The following FHIP2A variants were observed in gnomAD, a reference collection of about 807,000 sequenced individuals.
FHIP2A encodes FHF complex subunit HOOK interacting protein 2A, also known as family with sequence similarity 160 member B1.
FHIP2A carries 46 observed loss-of-function variants against 93.5 expected under a neutral mutation model. That is an observed-to-expected ratio of 0.49 (90% CI 0.39 to 0.63). The LOEUF (loss-of-function observed/expected upper bound fraction) is 0.63, where lower values mean the gene tolerates loss of function less well. Ranked by LOEUF, FHIP2A falls within the 20% of genes least tolerant of loss-of-function variation. The pLI, the probability that FHIP2A is intolerant of heterozygous loss-of-function variation, is 0.00. For synonymous variants in FHIP2A, 332 were observed against 326.5 expected, an observed-to-expected ratio of 1.02 and a Z score of -0.18; for missense variants, 769 against 909.7, an observed-to-expected ratio of 0.85 and a Z score of 1.99.
chr10:114,862,374 C>T lies in FHIP2A; in HGVS notation c.*834C>T. The T allele has an allele frequency of 1.0e-6, 1 of 987,496 alleles. No homozygotes were observed. Among genetic ancestry groups the T allele is most frequent in the Non-Finnish European group, 1.2e-6 (1 of 830,074 alleles). 61.2% of individuals were successfully genotyped at this position (987,496 alleles called of 1,614,324 possible). On this transcript the variant is annotated 3_prime_UTR_variant, in exon 17 of 17. Transcript: ENST00000369248. Reference sequence around the variant, plus strand: ...GAACCTTTTTCCCCCCTCTCCCTCTCAGAAAATTGCTTTATAAAATTGCTT... The same window carrying T: ...GAACCTTTTTCCCCCCTCTCCCTCTTAGAAAATTGCTTTATAAAATTGCTT...
chr10:114,826,564 A>T (rs2083577877), intron 1 of FHIP2A, among the ~76,000 whole-genome samples: 1 of 152,206 alleles, frequency 6.6e-6, no homozygotes, highest in Admixed American at 6.5e-5. Context: ...TGAACTCTAT[A>T]GGAGAAGGGA....
intron 1 of FHIP2A, among the ~76,000 whole-genome samples, chr10:114,827,835 G>A (rs2083586330): frequency 1.3e-5 from 2 of 151,008 alleles, no homozygotes; most frequent in East Asian, 1.9e-4. Context: ...GGCATATATA[G>A]GGACTCCATC....
chr10:114,889,921 T>C (rs888682014), intron 16 of FHIP2A, among the ~76,000 whole-genome samples: 1 of 152,260 alleles, frequency 6.6e-6, no homozygotes, highest in African/African-American at 2.4e-5. Context: ...TTTGCCTCAG[T>C]GTTGGCCATT....
rs752361511 is a variant in FHIP2A, at chr10:114,843,805, C to T, written c.881C>T (p.Ala294Val). 8.8e-6 allele frequency: 14 copies of T among 1,598,464 alleles called. No homozygotes were observed. Among genetic ancestry groups the T allele is most frequent in the African/African-American group, 4.0e-5 (3 of 74,104 alleles). The change falls in exon 7 of 17, where the codon GCG becomes GTG. Residue 294 changes from alanine (A) to valine (V), a missense_variant. Coordinates refer to ENST00000369248, the MANE Select transcript of FHIP2A (RefSeq NM_020940.4). Reference sequence around the variant, plus strand: ...CTGTTAGTAAGTTTGCCAGAGCCTGCGGCTGCAAAGTGCCTTACACAGAGC... The same window carrying T: ...CTGTTAGTAAGTTTGCCAGAGCCTGTGGCTGCAAAGTGCCTTACACAGAGC... ...LMLLVSLPEP[A>V]AAKCLTQSTC...
chr10:114,823,628 G>C (rs1019051213), intron 1 of FHIP2A, among the ~76,000 whole-genome samples: 1 of 151,238 alleles, frequency 6.6e-6, no homozygotes, highest in East Asian at 1.9e-4. Flanking sequence ...CCTAGTAGCT[G>C]GGATTACAGG....
chr10:114,899,344 G>A (rs2084015696), intron 16 of FHIP2A: 1 of 554,390 alleles, frequency 1.8e-6, no homozygotes, highest in Non-Finnish European at 3.3e-6. Context: ...TTAAGCTAGT[G>A]TAAGCACAAA....
At chr10:114,824,744 A>G (rs1013763854) in intron 1 of FHIP2A, among the ~76,000 whole-genome samples, 3 of 152,184 alleles carry the variant, frequency 2.0e-5, no homozygotes, top group Admixed American at 1.3e-4. Context: ...TTCCTCTATG[A>G]ACCAATCTTA....
intron 16 of FHIP2A, among the ~76,000 whole-genome samples, chr10:114,869,832 T>C (rs933276453): frequency 6.6e-5 from 10 of 152,204 alleles, no homozygotes; most frequent in African/African-American, 2.4e-4. Context: ...ATAAAAATAA[T>C]TTTGCACAGT....
intron 16 of FHIP2A, among the ~76,000 whole-genome samples, chr10:114,889,433 T>C (rs2083959658): frequency 6.6e-6 from 1 of 152,250 alleles, no homozygotes; most frequent in Non-Finnish European, 1.5e-5. Flanking sequence ...TTGCCTTTTT[T>C]TGTGGTTCTA....
chr10:114,885,706 G>A (rs1195171263), intron 16 of FHIP2A, among the ~76,000 whole-genome samples: 8 of 152,120 alleles, frequency 5.3e-5, no homozygotes, highest in South Asian at 2.1e-4. Context: ...TTGCATTTAC[G>A]TAGATTGTAT....
chr10:114,847,445 CA>C (rs1220585317), intron 12 of FHIP2A, among the ~76,000 whole-genome samples: 1 of 151,772 alleles, frequency 6.6e-6, no homozygotes, highest in Non-Finnish European at 1.5e-5. Flanking sequence ...CCTGCCACGT[CA>C]CCCAGCTAAT....
Position 114,860,990 on chromosome 10 carries a change from A to T in FHIP2A, c.2088+101A>T, listed in dbSNP as rs149012529. 1.2e-4 allele frequency: 136 copies of T among 1,180,932 alleles called. 1 individual carries two copies. In the East Asian group the frequency reaches 2.8e-3, roughly 24 times the overall value. 73.2% of individuals were successfully genotyped at this position (1,180,932 alleles called of 1,614,324 possible). A position where few individuals can be genotyped will look rare whatever the true frequency, so the allele number is the denominator to read the frequency against. ...GTTAGTGTCACATAATGAAAAATAT[A>T]TCTACTGCTTAAAAGTAATTATTAT... On this transcript the variant is annotated intron_variant, in intron 15 of 16. Coordinates refer to ENST00000369248, the MANE Select transcript of FHIP2A (RefSeq NM_020940.4).
In FHIP2A at chr10:114,863,158, AAAAC is replaced by A; in HGVS notation, c.*1622_*1625del. The A allele has an allele frequency of 4.1e-6, 4 of 977,164 alleles. No homozygotes were observed. Among genetic ancestry groups the A allele is most frequent in the Non-Finnish European group, 4.9e-6 (4 of 822,364 alleles). 60.5% of individuals were successfully genotyped at this position (977,164 alleles called of 1,614,324 possible). On this transcript the variant is annotated 3_prime_UTR_variant, in exon 17 of 17. Coordinates refer to ENST00000369248, the MANE Select transcript of FHIP2A (RefSeq NM_020940.4). ...GCTTATTCTAAGAAATTTATTAAGT[AAAAC>A]AAAGAAAAAACAGAAGTGGGAGATA...
intron 14 of FHIP2A, among the ~76,000 whole-genome samples, chr10:114,859,464 G>A (rs2083785046): frequency 6.6e-6 from 1 of 152,164 alleles, no homozygotes; most frequent in Non-Finnish European, 1.5e-5. Context: ...GGCTGATGTT[G>A]CACTTGGTCC....
chr10:114,876,350 A>AG (rs763021432), intron 16 of FHIP2A, among the ~76,000 whole-genome samples: 26 of 152,054 alleles, frequency 1.7e-4, no homozygotes, highest in Non-Finnish European at 3.4e-4. Flanking sequence ...TTCCTGTGAC[A>AG]GCTCCCCCTC....
Position 114,846,381 on chromosome 10 carries a change from T to C in FHIP2A, c.1398+14T>C, listed in dbSNP as rs2143011493. 1 of 1,604,028 alleles carries C rather than the reference T, an allele frequency of 6.2e-7. No individual in the cohort carries two copies. Among genetic ancestry groups the C allele is most frequent in the South Asian group, 1.1e-5 (1 of 90,396 alleles). The stretch of plus-strand genomic sequence containing the variant: ...ATATCTGATGAGGTAAGCTACGTAA[T>C]GATTTAGAATTGGACTTAGATTCTT... On this transcript the variant is annotated intron_variant, in intron 10 of 16. Transcript: ENST00000369248.
rs927245552 is a variant in FHIP2A, at chr10:114,864,037, CTGTT to C, written c.*2501_*2504del. On this transcript the variant is annotated 3_prime_UTR_variant, in exon 17 of 17. Coordinates refer to ENST00000369248, the MANE Select transcript of FHIP2A (RefSeq NM_020940.4). ...ACTATGTAACTTTCTCGTAATGTAT[CTGTT>C]TGTGCAATATGGAAGCTGTGAGTGG... is the stretch of plus-strand genomic sequence containing the variant. 4 of 994,190 alleles carry C rather than the reference CTGTT, an allele frequency of 4.0e-6. No individual in the cohort carries two copies. In the African/African-American group the frequency reaches 5.2e-5, roughly 13 times the overall value. 61.6% of individuals were successfully genotyped at this position (994,190 alleles called of 1,614,324 possible).
intron 16 of FHIP2A, among the ~76,000 whole-genome samples, chr10:114,878,031 A>G (rs2083897962): frequency 6.6e-6 from 1 of 152,154 alleles, no homozygotes; most frequent in South Asian, 2.1e-4. Flanking sequence ...TTTAACAGTC[A>G]GTATTAAAAA....
chr10:114,843,986 T>C (rs1463515136), intron 7 of FHIP2A, 49 bp downstream of exon 7: 1 of 1,398,700 alleles, frequency 7.1e-7, no homozygotes, highest in Non-Finnish European at 9.6e-7. Flanking sequence ...TCTTAACACC[T>C]ACATTTTAAA....
Sources: allele counts gnomAD v4.1 joint callset (sites outside exome capture counted in the v4.1 genomes callset), GRCh38; gene constraint gnomAD v4.1.1; transcripts MANE v1.5; gene names NCBI Gene and HGNC (gene_info 2026-07-23, HGNC 2026-07-21).